TTC5: variants seen among roughly 807,000 people sequenced by gnomAD.
The protein encoded by TTC5 is tetratricopeptide repeat protein 5.
A neutral mutation model predicts 57.4 loss-of-function variants in TTC5; 46 were observed. The ratio of observed to expected loss-of-function variants is 0.80; its 90% CI spans 0.63 to 1.03. The LOEUF (loss-of-function observed/expected upper bound fraction) is 1.03. Among genes scored for constraint, TTC5 ranks in the 50% least tolerant of loss-of-function variants. TTC5 has a pLI of 0.00. For missense variants in TTC5, 504 were observed against 528.1 expected (o/e 0.95, Z 0.45); for synonymous variants, 190 against 203.5 (o/e 0.93, Z 0.57).
chr14:20,297,864 C>T (rs1882098557), intron 5 of TTC5, among the ~76,000 whole-genome samples: 1 of 151,648 alleles, frequency 6.6e-6, no homozygotes, highest in Non-Finnish European at 1.5e-5. Flanking sequence ...AAAATGTAAA[C>T]ATTCACCAAA....
Sources: allele counts gnomAD v4.1 joint callset (sites outside exome capture counted in the v4.1 genomes callset), GRCh38; gene constraint gnomAD v4.1.1; transcripts MANE v1.5; gene names NCBI Gene and HGNC (gene_info 2026-07-23, HGNC 2026-07-21).